The following PRKAR1A variants were observed in gnomAD, a reference collection of about 807,000 sequenced individuals.
The protein encoded by PRKAR1A is protein kinase cAMP-dependent type I regulatory subunit alpha.
Under a neutral mutation model 52.0 loss-of-function variants are expected in PRKAR1A, and 3 were observed. The observed-to-expected ratio is 0.06, with a 90% CI of 0.03 to 0.15. PRKAR1A has a LOEUF of 0.15. PRKAR1A is among the 10% of genes least tolerant of loss of function. The probability of loss-of-function intolerance (pLI) is 1.00; values close to 1 mark genes in which losing one functional copy is unlikely to be tolerated. For missense variants in PRKAR1A, 240 were observed against 477.4 expected (o/e 0.50, Z 4.63); for synonymous variants, 188 against 168.4 (o/e 1.12, Z -0.90).
the PRKAR1A span, chr17:68,457,588 C>G: frequency 2.6e-6 from 1 of 386,336 alleles, no homozygotes; most frequent in Non-Finnish European, 4.1e-6. Context: ...CCTACCCCGC[C>G]CCGTCCCCGC....
the PRKAR1A span, chr17:68,427,168 T>C: frequency 6.2e-7 from 1 of 1,614,124 alleles, no homozygotes; most frequent in Non-Finnish European, 8.5e-7. Flanking sequence ...GCACTTGGTC[T>C]GGCTACGGTC....
the PRKAR1A span, among the ~76,000 whole-genome samples, chr17:68,487,620 G>A: frequency 2.6e-5 from 4 of 152,046 alleles, no homozygotes; most frequent in Non-Finnish European, 5.9e-5. Flanking sequence ...GACCGACATC[G>A]TGAAACCCCA....
At chr17:68,424,109 T>C in the PRKAR1A span, among the ~76,000 whole-genome samples, 1 of 152,132 alleles carries the variant, frequency 6.6e-6, no homozygotes, top group Non-Finnish European at 1.5e-5. Context: ...GTTGGGGCCA[T>C]GAGAACCCAA....
At chr17:68,520,262 A>G (rs184026517) in intron 2 of PRKAR1A, among the ~76,000 whole-genome samples, 2 of 152,318 alleles carry the variant, frequency 1.3e-5, no homozygotes, top group East Asian at 1.9e-4. Context: ...GGTGGGAAGT[A>G]TACTTTACCC....
intron 11 of PRKAR1A, chr17:68,540,787 C>T (rs181176231): frequency 6.0e-5 from 93 of 1,549,654 alleles, no homozygotes; most frequent in African/African-American, 4.5e-4. Flanking sequence ...CTCAAGGTCA[C>T]GGGGAACCCT....
chr17:68,551,315 T>C (rs1413659353), exon 12 of PRKAR1A: 1 of 410,780 alleles, frequency 2.4e-6, no homozygotes, highest in East Asian at 3.6e-5. Flanking sequence ...AATGTAAACA[T>C]GTAATTGACT....
rs747439896 is a variant in PRKAR1A, at chr17:68,531,912, G to A, written c.*1463G>A. The stretch of plus-strand genomic sequence containing the variant: ...TAAGGTAATGTAGGGTTATATTTGG[G>A]AGTGACTGCAAGCATTTTTCCATCT... On this transcript the variant is annotated 3_prime_UTR_variant, in exon 11 of 11. Coordinates refer to ENST00000589228, the MANE Select transcript of PRKAR1A (RefSeq NM_002734.5). 3 of 1,060,752 alleles carry A rather than the reference G, an allele frequency of 2.8e-6. No individual in the cohort carries two copies. Among genetic ancestry groups the A allele is most frequent in the Non-Finnish European group, 3.4e-6 (3 of 874,812 alleles). The allele number at this position is 1,060,752 out of a possible 1,614,324, so 65.7% of individuals were successfully genotyped here. A position where few individuals can be genotyped will look rare whatever the true frequency, so the allele number is the denominator to read the frequency against.
rs564885128 is a variant in PRKAR1A at position 68,541,955 on chromosome 17, C to A, written c.974-9129C>A. On this transcript the variant is annotated intron_variant, in intron 11 of 11. Transcript: ENST00000585981. ...CAGGGTCTGTGGCTACTGTCAAGGA[C>A]TGGGCTGTGTGGCCTGGGGACCAAC... The A allele has an allele frequency of 3.7e-6, 6 of 1,605,614 alleles. No homozygotes were observed. In the South Asian group the frequency reaches 5.6e-5, roughly 15 times the overall value.
chr17:68,538,174 A>G (rs1440149030), downstream of PRKAR1A, among the ~76,000 whole-genome samples: 1 of 152,148 alleles, frequency 6.6e-6, no homozygotes, highest in African/African-American at 2.4e-5. Context: ...TGCTAACTTT[A>G]TTTCTGTTTG....
At chr17:68,486,509 CTTTCTTTCTT>C in the PRKAR1A span, among the ~76,000 whole-genome samples, 24 of 43,428 alleles carry the variant, frequency 5.5e-4, no homozygotes, top group African/African-American at 1.8e-3. Context: ...TTCCTTCCTT[CTTTCTTTCTT>C]TCTTTCTTTC....
the PRKAR1A span, among the ~76,000 whole-genome samples, chr17:68,429,808 C>T: frequency 6.6e-6 from 1 of 152,150 alleles, no homozygotes; most frequent in Non-Finnish European, 1.5e-5. Context: ...AGGCTGGTCT[C>T]AAACTCCTGA....
At chr17:68,526,760 C>T (rs2085804440) in intron 7 of PRKAR1A, among the ~76,000 whole-genome samples, 1 of 152,082 alleles carries the variant, frequency 6.6e-6, no homozygotes, top group African/African-American at 2.4e-5. Context: ...ACACTGGGGC[C>T]TACTTGAGGG....
chr17:68,489,209 T>TGG, the PRKAR1A span, among the ~76,000 whole-genome samples: 253 of 40,116 alleles, frequency 6.3e-3, 30 homozygotes, highest in South Asian at 8.7e-3. Flanking sequence ...TATATATATA[T>TGG]ATATATATAT....
chr17:68,523,052 T>G, intron 3 of PRKAR1A, 126 bp downstream of exon 3: 1 of 1,167,504 alleles, frequency 8.6e-7, no homozygotes, highest in Non-Finnish European at 1.2e-6. Context: ...TGTACAATTC[T>G]TGGGTACTGG....
the PRKAR1A span, among the ~76,000 whole-genome samples, chr17:68,417,164 G>T: frequency 1.3e-5 from 2 of 152,136 alleles, no homozygotes; most frequent in African/African-American, 4.8e-5. Flanking sequence ...AACTTCACAA[G>T]TGCTTCTTAG....
the PRKAR1A span, among the ~76,000 whole-genome samples, chr17:68,482,970 A>T: frequency 6.6e-6 from 1 of 152,206 alleles, no homozygotes. Context: ...GTTTTGAGGA[A>T]GTCCAATTTA....
At chr17:68,504,550 C>A in the PRKAR1A span, among the ~76,000 whole-genome samples, 1 of 152,144 alleles carries the variant, frequency 6.6e-6, no homozygotes, top group African/African-American at 2.4e-5. Context: ...AACATGGAAA[C>A]AACTGGAGTT....
the PRKAR1A span, among the ~76,000 whole-genome samples, chr17:68,465,536 C>T: frequency 1.3e-5 from 2 of 151,796 alleles, no homozygotes; most frequent in African/African-American, 4.8e-5. Context: ...CTCACTGCAA[C>T]CTCCGCCTCC....
At chr17:68,423,126 A>C in the PRKAR1A span, among the ~76,000 whole-genome samples, 1 of 152,192 alleles carries the variant, frequency 6.6e-6, no homozygotes, top group Admixed American at 6.5e-5. This position sits in a 1 kb window ranked among gnomAD's most constrained non-coding sequence, Gnocchi z 4.4. Flanking sequence ...ATTTTAACCA[A>C]GCTGAGACTC....
Sources: allele counts gnomAD v4.1 joint callset (sites outside exome capture counted in the v4.1 genomes callset), GRCh38; gene constraint gnomAD v4.1.1; non-coding constraint Gnocchi (gnomAD v3.1); transcripts MANE v1.5; gene names NCBI Gene and HGNC (gene_info 2026-07-23, HGNC 2026-07-21).